TRPA1: variants seen among roughly 807,000 people sequenced by gnomAD.
TRPA1 encodes the protein ankyrin-like with transmembrane domains 1.
In TRPA1, 129 loss-of-function variants were observed where a neutral mutation model predicts 131.3. The ratio of observed to expected loss-of-function variants is 0.98; its 90% CI spans 0.85 to 1.14. TRPA1 has a LOEUF of 1.14. Among genes scored for constraint, TRPA1 ranks in the 50% most tolerant of loss-of-function variants. The probability of loss-of-function intolerance (pLI) is 0.00; values close to 1 mark genes in which losing one functional copy is unlikely to be tolerated. For missense variants in TRPA1, 1,304 were observed against 1,354.2 expected (o/e 0.96, Z 0.58); for synonymous variants, 441 against 451.7 (o/e 0.98, Z 0.30).
intron 21 of TRPA1, among the ~76,000 whole-genome samples, chr8:72,035,402 C>T (rs1310501752): frequency 6.6e-6 from 1 of 152,124 alleles, no homozygotes; most frequent in Non-Finnish European, 1.5e-5. Context: ...GCTTATGACA[C>T]AGCAATGCAG....
chr8:72,038,981 A>T lies in TRPA1; in HGVS notation c.2179T>A (p.Cys727Ser). Residue 727 changes from cysteine (C) to serine (S), a missense_variant, in exon 19 of 27, where the codon TGT (cysteine) becomes AGT (serine). Physicochemically the swap from Cys to Ser is moderately radical, Grantham distance 112 (BLOSUM62 -1). Transcript: ENST00000262209. ...RAHMMNLGSYCLGLIPMTILV... is the reference protein window; with the variant it reads ...RAHMMNLGSYSLGLIPMTILV... ...ATGGTCATAGGTATGAGACCAAGAC[A>T]GTAAGATCCTAAATTCATCATATGA... 6.2e-7 allele frequency: 1 copy of T among 1,613,106 alleles called. No homozygotes were observed. Among genetic ancestry groups the T allele is most frequent in the Non-Finnish European group, 8.5e-7 (1 of 1,179,396 alleles).
intron 12 of TRPA1, 188 bp from the exon 13 acceptor site, chr8:72,054,055 A>T: frequency 1.7e-6 from 1 of 599,432 alleles, no homozygotes; most frequent in Middle Eastern, 4.6e-4. Context: ...TAAATGACCT[A>T]TTTCTAATGT....
intron 3 of TRPA1, among the ~76,000 whole-genome samples, chr8:72,068,286 A>G (rs1309658745): frequency 6.6e-6 from 1 of 152,206 alleles, no homozygotes; most frequent in African/African-American, 2.4e-5. Flanking sequence ...CTCCATTTGT[A>G]AATTGCATTC....
intron 2 of TRPA1, 60 bp from the exon 3 acceptor site, chr8:72,069,258 G>A: frequency 6.5e-7 from 1 of 1,547,848 alleles, no homozygotes; most frequent in Non-Finnish European, 8.9e-7. Flanking sequence ...AACACCTCCT[G>A]AGTGCCTATA....
rs749140186 is a variant in TRPA1 at position 72,033,826 on chromosome 8, C to G, written c.2686G>C (p.Asp896His). The G allele has an allele frequency of 1.2e-6, 2 of 1,613,652 alleles. No individual in the cohort carries two copies. Among genetic ancestry groups the G allele is most frequent in the African/African-American group, 2.7e-5 (2 of 74,866 alleles). ...LSFYILLNLQDPFSSPLLSII... is the reference protein window; with the variant it reads ...LSFYILLNLQHPFSSPLLSII... ...GAAAGCAATGGAGAGCTGAAGGGAT[C>G]CTGAAAGCAGACGGTGAGGTACAAA... Residue 896 changes from aspartate to histidine, a missense_variant and splice_region_variant, in exon 23 of 27, where the codon GAT becomes CAT. Transcript: ENST00000262209.
rs775960951 is a variant in TRPA1, at chr8:72,036,411, A to G, written c.2432T>C (p.Ile811Thr). Residue 811 changes from isoleucine (I) to threonine (T), a missense_variant, in exon 21 of 27, where the codon ATC becomes ACC. By Grantham distance (89) the Ile-to-Thr change is moderately conservative (BLOSUM62 -1). Transcript: ENST00000262209. Reference protein sequence around the residue: ...MDISNVLEWIIYTTGIIFVLP... With the variant: ...MDISNVLEWITYTTGIIFVLP... ...CACAAAAATGATGCCCGTCGTGTAG[A>G]TAATCCATTCAAGAACATTGCTTAT... is the stretch of plus-strand genomic sequence containing the variant. 1.9e-6 allele frequency: 3 copies of G among 1,614,082 alleles called. No homozygotes were observed. Among genetic ancestry groups the G allele is most frequent in the Non-Finnish European group, 2.5e-6 (3 of 1,179,960 alleles).
upstream of TRPA1, among the ~76,000 whole-genome samples, chr8:72,079,192 CTT>C (rs922306804): frequency 6.6e-6 from 1 of 151,836 alleles, no homozygotes; most frequent in African/African-American, 2.4e-5. Flanking sequence ...TGTTATTTCT[CTT>C]TATTTTCTTA....
At chr8:72,059,636 G>A (rs1194237874) in intron 7 of TRPA1, among the ~76,000 whole-genome samples, 198 bp from the exon 8 acceptor site, 1 of 152,066 alleles carries the variant, frequency 6.6e-6, no homozygotes, top group Non-Finnish European at 1.5e-5. Context: ...ATAATAATAG[G>A]AGAACACCAA....
the TRPA1 span, among the ~76,000 whole-genome samples, chr8:72,084,647 A>ATTTTT: frequency 7.3e-4 from 77 of 104,962 alleles, 1 homozygote; most frequent in Non-Finnish European, 8.6e-4. Flanking sequence ...TAAAATGATA[A>ATTTTT]TTTTTTTTTT....
intron 17 of TRPA1, among the ~76,000 whole-genome samples, chr8:72,042,871 A>G (rs2129434320): frequency 6.6e-6 from 1 of 151,992 alleles, no homozygotes; most frequent in Non-Finnish European, 1.5e-5. Flanking sequence ...AAATCACAGA[A>G]ACAAAAAGTA....
rs777666406 is a variant in TRPA1 at position 72,033,820 on chromosome 8, A to G, written c.2692T>C (p.Phe898Leu). Residue 898 changes from phenylalanine (F) to leucine (L), a missense_variant, in exon 23 of 27, where the codon TTC becomes CTC. Transcript: ENST00000262209. ...ATTATAGAAAGCAATGGAGAGCTGA[A>G]GGGATCCTGAAAGCAGACGGTGAGG... is the stretch of plus-strand genomic sequence containing the variant. Reference protein sequence around the residue: ...FYILLNLQDPFSSPLLSIIQT... With the variant: ...FYILLNLQDPLSSPLLSIIQT... 1.2e-6 allele frequency: 2 copies of G among 1,613,956 alleles called. No individual in the cohort carries two copies. The highest frequency in any genetic ancestry group is 3.3e-5 in the Admixed American group (2 of 60,030).
At chr8:72,058,720 T>G (rs1805734063) in intron 8 of TRPA1, among the ~76,000 whole-genome samples, 2 of 152,208 alleles carry the variant, frequency 1.3e-5, no homozygotes, top group Admixed American at 1.3e-4. Context: ...CCCAGCACTC[T>G]TCTCTGTAAT....
chr8:72,041,074 A>G (rs1812235216), intron 17 of TRPA1: 1 of 152,060 alleles, frequency 6.6e-6, no homozygotes, highest in Admixed American at 6.6e-5. Context: ...AGCCATATTT[A>G]CATCAGACAA....
chr8:72,041,795 C>T (rs1289866897), intron 17 of TRPA1, among the ~76,000 whole-genome samples: 1 of 151,004 alleles, frequency 6.6e-6, no homozygotes, highest in East Asian at 1.9e-4. Flanking sequence ...ACTTAAAACT[C>T]AAGGAAATAA....
chr8:72,049,998 A>G (rs539298976), intron 15 of TRPA1, among the ~76,000 whole-genome samples: 1 of 151,862 alleles, frequency 6.6e-6, no homozygotes, highest in Non-Finnish European at 1.5e-5. Flanking sequence ...CACAACGTGC[A>G]GGTTTGTTAC....
chr8:72,056,838 C>T (rs1042448911), intron 10 of TRPA1, 79 bp downstream of exon 10: 29 of 1,015,694 alleles, frequency 2.9e-5, no homozygotes, highest in Admixed American at 1.3e-4. Flanking sequence ...TATATAATAA[C>T]AAAAATTATA....
intron 21 of TRPA1, 60 bp downstream of exon 21, chr8:72,036,228 G>A: frequency 6.4e-7 from 1 of 1,565,762 alleles, no homozygotes; most frequent in Admixed American, 1.7e-5. Context: ...AGGTACAATA[G>A]TTTTTCTTTT....
chr8:72,077,102 A>G (rs1434011028), upstream of TRPA1, among the ~76,000 whole-genome samples: 3 of 152,124 alleles, frequency 2.0e-5, no homozygotes, highest in Non-Finnish European at 4.4e-5. Context: ...AAGACTTTTT[A>G]TTTTTTATCA....
At position 72,075,381 on chromosome 8, in the gene TRPA1, C is replaced by T; in HGVS notation, c.29G>A (p.Arg10His). 4 of 1,610,828 alleles carry T rather than the reference C, an allele frequency of 2.5e-6. No individual in the cohort carries two copies. The highest frequency in any genetic ancestry group is 3.4e-6 in the Non-Finnish European group (4 of 1,179,784). Residue 10 changes from arginine to histidine, a missense_variant, in exon 1 of 27, where the codon CGC becomes CAC. Arg to His is a conservative substitution (Grantham distance 29). Coordinates refer to ENST00000262209, the MANE Select transcript of TRPA1 (RefSeq NM_007332.3). Reference sequence around the variant, plus strand: ...CTGGGGCTCCTTCTTTTCTCCAGGGCGCCACATCTTCCTCAGGCTGCGCTT... The same window carrying T: ...CTGGGGCTCCTTCTTTTCTCCAGGGTGCCACATCTTCCTCAGGCTGCGCTT... The part of the protein sequence containing the change: MKRSLRKMW[R>H]PGEKKEPQGV...
Sources: allele counts gnomAD v4.1 joint callset (sites outside exome capture counted in the v4.1 genomes callset), GRCh38; gene constraint gnomAD v4.1.1; transcripts MANE v1.5; gene names NCBI Gene and HGNC (gene_info 2026-07-23, HGNC 2026-07-21).